PCDHGA1: variants seen among roughly 807,000 people sequenced by gnomAD.
The protein encoded by PCDHGA1 is protocadherin gamma subfamily A, 1, also known as protocadherin gamma-A1.
PCDHGA1 carries 32 observed loss-of-function variants against 58.0 expected under a neutral mutation model. The ratio of observed to expected loss-of-function variants is 0.55; its 90% CI spans 0.42 to 0.74. The LOEUF (loss-of-function observed/expected upper bound fraction) is 0.74. PCDHGA1 is among the 30% of genes least tolerant of loss of function. The pLI is 0.00. For missense variants in PCDHGA1, 1,205 were observed against 1,182.3 expected, an observed-to-expected ratio of 1.02 and a Z score of -0.28; for synonymous variants, 498 against 501.1, an observed-to-expected ratio of 0.99 and a Z score of 0.08.
chr5:141,381,775 C>T (rs1162791919), intron 1 of PCDHGA1, among the ~76,000 whole-genome samples: 1 of 150,644 alleles, frequency 6.6e-6, no homozygotes, highest in East Asian at 1.9e-4. Flanking sequence ...AATCAATAAT[C>T]AGGAACAAGG....
chr5:141,390,371 T>C (rs761971479), intron 1 of PCDHGA1: 15 of 1,499,488 alleles, frequency 1.0e-5, no homozygotes, highest in Non-Finnish European at 3.6e-6. Context: ...GGAAAATATA[T>C]AATTTTTAGA....
At chr5:141,353,619 GT>G (rs1759337292) in intron 1 of PCDHGA1, among the ~76,000 whole-genome samples, 1 of 152,022 alleles carries the variant, frequency 6.6e-6, no homozygotes, top group Non-Finnish European at 1.5e-5. Flanking sequence ...TAAATTATTT[GT>G]TTTTATGCTC....
In PCDHGA1 at chr5:141,493,550, T is replaced by C. The variant is rs978188511; in HGVS notation, c.2422-1257T>C. On this transcript the variant is annotated intron_variant, in intron 1 of 3. Coordinates refer to ENST00000517417, the MANE Select transcript of PCDHGA1 (RefSeq NM_018912.3). This position sits in a 1 kb window ranked among gnomAD's most constrained non-coding sequence, Gnocchi z 4.3. Reference sequence around the variant, plus strand: ...ACTTGGCCAGTTATCCTTTTGGAGATTGAGTTCCCCCAGCTCCGTTTCCTC... The same window carrying C: ...ACTTGGCCAGTTATCCTTTTGGAGACTGAGTTCCCCCAGCTCCGTTTCCTC... Among the ~76,000 whole-genome samples the C allele has an allele frequency of 1.3e-5, 2 of 152,172 alleles. No homozygotes were observed. The highest frequency in any genetic ancestry group is 2.4e-5 in the African/African-American group (1 of 41,430).
rs770630741 is a variant in PCDHGA1, at chr5:141,381,826, C to CTTTTT, written c.2421+48739_2421+48743dup. On this transcript the variant is annotated intron_variant, in intron 1 of 3. Coordinates refer to ENST00000517417, the MANE Select transcript of PCDHGA1 (RefSeq NM_018912.3). ...TTTCTTTCTTTCTTTCTTTCTTCTT[C>CTTTTT]TTTTTTTTTTTTTTTTTTTTTTGGC... Among the ~76,000 whole-genome samples, 477 of 74,206 alleles carry CTTTTT rather than the reference C, an allele frequency of 6.4e-3. 7 individuals are homozygous for CTTTTT. Among genetic ancestry groups the CTTTTT allele is most frequent in the African/African-American group, 7.2e-3 (117 of 16,174 alleles). The allele number at this position is 74,206 out of a possible 152,430, so 48.7% of individuals were successfully genotyped here.
intron 1 of PCDHGA1, among the ~76,000 whole-genome samples, chr5:141,464,934 G>T (rs1353581045): frequency 1.3e-5 from 2 of 151,416 alleles, no homozygotes; most frequent in African/African-American, 4.8e-5. Flanking sequence ...GAGATGTGAG[G>T]TCTCACTATG....
At chr5:141,388,387 A>G (rs746929136) in intron 1 of PCDHGA1, 5 of 1,614,034 alleles carry the variant, frequency 3.1e-6, no homozygotes, top group South Asian at 2.2e-5. Flanking sequence ...AACACACTGC[A>G]GAATTACCAA....
chr5:141,388,849 G>A, intron 1 of PCDHGA1: 1 of 1,614,026 alleles, frequency 6.2e-7, no homozygotes, highest in Non-Finnish European at 8.5e-7. Flanking sequence ...GCAAGGGACG[G>A]TGGAGGAATG....
intron 1 of PCDHGA1, chr5:141,407,951 A>G (rs1256400393): frequency 1.7e-6 from 1 of 578,448 alleles, no homozygotes; most frequent in Non-Finnish European, 2.8e-6. Flanking sequence ...GCTGTCGGCC[A>G]GTGCAGAGCA....
At chr5:141,456,731 G>A (rs1282690673) in intron 1 of PCDHGA1, among the ~76,000 whole-genome samples, 1 of 152,214 alleles carries the variant, frequency 6.6e-6, no homozygotes, top group Non-Finnish European at 1.5e-5. Flanking sequence ...TTGGGAGGCT[G>A]AGGCGGGAGC....
In PCDHGA1 at chr5:141,332,017, A is replaced by G; in HGVS notation, c.1333A>G (p.Ile445Val). Residue 445 changes from isoleucine (I) to valine (V), a missense_variant, in exon 1 of 4, where the codon ATC becomes GTC. Ile to Val is a conservative substitution (Grantham distance 29, BLOSUM62 3). Coordinates refer to ENST00000517417, the MANE Select transcript of PCDHGA1 (RefSeq NM_018912.3). This position sits in a 1 kb window ranked among gnomAD's most constrained non-coding sequence, Gnocchi z 4.6. ...TCACATTTCACTACTAGTGACAGATATCAATGACAACTCCCCAGTCTTCCA... is the reference window on the plus strand; with the variant it reads ...TCACATTTCACTACTAGTGACAGATGTCAATGACAACTCCCCAGTCTTCCA... The part of the protein sequence containing the change: ...ETHISLLVTD[I>V]NDNSPVFHQD... 1 of 1,614,208 alleles carries G rather than the reference A, an allele frequency of 6.2e-7. No individual in the cohort carries two copies.
intron 1 of PCDHGA1, chr5:141,351,129 T>A (rs768920923): frequency 6.2e-7 from 1 of 1,614,048 alleles, no homozygotes; most frequent in Admixed American, 1.7e-5. Context: ...CTCTTCAATC[T>A]CAATCCAAAT....
chr5:141,342,465 C>A (rs748352091), intron 1 of PCDHGA1: 2 of 152,160 alleles, frequency 1.3e-5, no homozygotes, highest in Non-Finnish European at 2.9e-5. Flanking sequence ...TGAAAATTAT[C>A]ATGTACCAAT....
At chr5:141,375,718 C>T in intron 1 of PCDHGA1, 2 of 1,614,270 alleles carry the variant, frequency 1.2e-6, no homozygotes, top group African/African-American at 1.3e-5. Context: ...TTAGCAGCAA[C>T]GTGTCACTGA....
At chr5:141,468,995 T>G (rs533843461) in intron 1 of PCDHGA1, among the ~76,000 whole-genome samples, 1 of 147,628 alleles carries the variant, frequency 6.8e-6, no homozygotes, top group Non-Finnish European at 1.5e-5. Context: ...TTATTGTTTT[T>G]GCTGGGTGCG....
intron 1 of PCDHGA1, chr5:141,427,514 G>A (rs1193674497): frequency 1.7e-6 from 1 of 595,712 alleles, no homozygotes; most frequent in Non-Finnish European, 3.2e-6. Context: ...CCCTGGATTG[G>A]GAGCGGATCC....
intron 1 of PCDHGA1, chr5:141,405,635 C>T (rs539370352): frequency 1.3e-4 from 69 of 526,234 alleles, no homozygotes; most frequent in Non-Finnish European, 1.9e-4. Context: ...CCACCACGCC[C>T]GGCTAATTTT....
chr5:141,344,628 G>A (rs1285541225), intron 1 of PCDHGA1: 1 of 1,613,846 alleles, frequency 6.2e-7, no homozygotes, highest in African/African-American at 1.3e-5. Flanking sequence ...GCTGGAGCGG[G>A]CCCTGGACCG....
intron 2 of PCDHGA1, among the ~76,000 whole-genome samples, chr5:141,503,984 C>T (rs967348519): frequency 2.0e-5 from 3 of 152,184 alleles, no homozygotes; most frequent in African/African-American, 7.2e-5. Context: ...AACCCTTCTT[C>T]TTACCTTACA....
intron 1 of PCDHGA1, chr5:141,339,823 C>A (rs1756881220): frequency 6.2e-7 from 1 of 1,614,144 alleles, no homozygotes. Context: ...TAGAGAAAAG[C>A]CCTGGAGAAA....
Sources: gnomAD v4.1 joint callset for allele counts (sites outside exome capture counted in the v4.1 genomes callset) on GRCh38, gnomAD v4.1.1 for gene constraint, Gnocchi (gnomAD v3.1) non-coding constraint, MANE v1.5 for transcripts, NCBI Gene and HGNC (gene_info 2026-07-23, HGNC 2026-07-21) for gene names.